ANKRD33B: variants seen among roughly 807,000 people sequenced by gnomAD.
ANKRD33B encodes the protein ankyrin repeat domain 33B.
ANKRD33B carries 6 observed loss-of-function variants against 21.5 expected under a neutral mutation model. That is an observed-to-expected ratio of 0.28 (90% CI 0.15 to 0.55). The LOEUF (loss-of-function observed/expected upper bound fraction) is 0.55, where lower values mean the gene tolerates loss of function less well. Ranked by LOEUF, ANKRD33B falls within the 20% of genes least tolerant of loss-of-function variation. The probability of loss-of-function intolerance (pLI) is 0.94; values close to 1 mark genes in which losing one functional copy is unlikely to be tolerated. For synonymous variants in ANKRD33B, 347 were observed against 342.4 expected, an observed-to-expected ratio of 1.01 and a Z score of -0.15; for missense variants, 698 against 747.2, an observed-to-expected ratio of 0.93 and a Z score of 0.77.
At chr5:10,586,179 A>G (rs1282871030) in intron 1 of ANKRD33B, among the ~76,000 whole-genome samples, 1 of 150,638 alleles carries the variant, frequency 6.6e-6, no homozygotes, top group Non-Finnish European at 1.5e-5. Flanking sequence ...TTGTTCCAGG[A>G]CTCCCCCACC....
chr5:10,609,549 T>A (rs1736120652), intron 1 of ANKRD33B, among the ~76,000 whole-genome samples: 2 of 151,874 alleles, frequency 1.3e-5, no homozygotes, highest in Admixed American at 1.3e-4. Flanking sequence ...CCAAAAAAAA[T>A]TTTCCATTAC....
At chr5:10,634,676 G>A (rs933167672) in intron 2 of ANKRD33B, among the ~76,000 whole-genome samples, 2 of 151,052 alleles carry the variant, frequency 1.3e-5, no homozygotes, top group East Asian at 2.0e-4. Context: ...GGCCGGTCTT[G>A]AACTCCTGGC....
intron 1 of ANKRD33B, among the ~76,000 whole-genome samples, chr5:10,571,610 A>G (rs1735196138): frequency 6.6e-6 from 1 of 152,132 alleles, no homozygotes; most frequent in Admixed American, 6.5e-5. Flanking sequence ...ATTTTTTTAG[A>G]TTGAGGAAAT....
chr5:10,564,487 C>T lies in ANKRD33B; in HGVS notation c.20C>T (p.Thr7Ile). Residue 7 changes from threonine (T) to isoleucine (I), a missense_variant, in exon 1 of 4, where the codon ACC becomes ATC. Thr to Ile is a moderately conservative substitution (Grantham distance 89). Coordinates refer to ENST00000296657, the MANE Select transcript of ANKRD33B (RefSeq NM_001164440.2). ...GCCGGCATGGTGCTGCTGGCCGGGA[C>T]CGGGCCGGAGGGCGGCGGGGCGCGC... is the stretch of plus-strand genomic sequence containing the variant. Reference protein sequence around the residue: MVLLAGTGPEGGGARCM... With the variant: MVLLAGIGPEGGGARCM... 30 of 1,498,710 alleles carry T rather than the reference C, an allele frequency of 2.0e-5. No homozygotes were observed. The highest frequency in any genetic ancestry group is 2.6e-5 in the Non-Finnish European group (29 of 1,124,926). The allele number at this position is 1,498,710 out of a possible 1,614,324, so 92.8% of individuals were successfully genotyped here. A position where few individuals can be genotyped will look rare whatever the true frequency, so the allele number is the denominator to read the frequency against.
At chr5:10,649,122 A>G in intron 3 of ANKRD33B, 144 bp from the exon 4 acceptor site, 1 of 1,397,850 alleles carries the variant, frequency 7.2e-7, no homozygotes, top group Non-Finnish European at 9.3e-7. Context: ...CAGGGTTCGC[A>G]GAGTGAACTA....
At position 10,639,919 on chromosome 5, in the gene ANKRD33B, G is replaced by C. The variant is rs148008424; in HGVS notation, c.637+1751G>C. The stretch of plus-strand genomic sequence containing the variant: ...GCGGCGATGTTAGCGGGTGACGTGG[G>C]GTTGCGCGGCGATGTTAGGCGGTGA... On this transcript the variant is annotated intron_variant, in intron 3 of 3. Coordinates refer to ENST00000296657, the MANE Select transcript of ANKRD33B (RefSeq NM_001164440.2). Among the ~76,000 whole-genome samples, 2 of 18,914 alleles carry C rather than the reference G, an allele frequency of 1.1e-4. 1 individual carries two copies. The highest frequency in any genetic ancestry group is 2.6e-4 in the African/African-American group (2 of 7,690). The allele number at this position is 18,914 out of a possible 152,430, so 12.4% of individuals were successfully genotyped here. A position where few individuals can be genotyped will look rare whatever the true frequency, so the allele number is the denominator to read the frequency against.
rs2126538991 is a variant in ANKRD33B, at chr5:10,564,514, G to A, written c.47G>A (p.Cys16Tyr). ...GGGCCGGAGGGCGGCGGGGCGCGCT[G>A]CATGACCCCACCACCGCCGTCCCCA... ...GTGPEGGGAR[C>Y]MTPPPPSPPR... Residue 16 changes from cysteine to tyrosine, a missense_variant, in exon 1 of 4, where the codon TGC (cysteine) becomes TAC (tyrosine). Transcript: ENST00000296657. The A allele has an allele frequency of 6.5e-7, 1 of 1,529,708 alleles. No individual in the cohort carries two copies. The allele number at this position is 1,529,708 out of a possible 1,614,324, so 94.8% of individuals were successfully genotyped here.
At chr5:10,587,512 A>AT (rs1735591769) in intron 1 of ANKRD33B, among the ~76,000 whole-genome samples, 1 of 151,840 alleles carries the variant, frequency 6.6e-6, no homozygotes, top group Non-Finnish European at 1.5e-5. Context: ...ATTGAATAGT[A>AT]ATATTTATTA....
chr5:10,641,437 C>T (rs1415043189), intron 3 of ANKRD33B, among the ~76,000 whole-genome samples: 1 of 151,882 alleles, frequency 6.6e-6, no homozygotes, highest in Non-Finnish European at 1.5e-5. Flanking sequence ...CCATGTTGGC[C>T]AGGTTGGTCT....
In ANKRD33B at chr5:10,564,397, C is replaced by T; in HGVS notation, c.-71C>T. The T allele has an allele frequency of 3.0e-6, 3 of 985,684 alleles. No homozygotes were observed. The highest frequency in any genetic ancestry group is 2.4e-6 in the Non-Finnish European group (2 of 824,302). The allele number at this position is 985,684 out of a possible 1,614,324, so 61.1% of individuals were successfully genotyped here. ...GGACGCAGAAGCGAGAAGCGGGGAC[C>T]TCGGCGCGCGCCCCGCGTCCCGCTC... On this transcript the variant is annotated 5_prime_UTR_variant, in exon 1 of 4. Coordinates refer to ENST00000296657, the MANE Select transcript of ANKRD33B (RefSeq NM_001164440.2).
intron 1 of ANKRD33B, among the ~76,000 whole-genome samples, chr5:10,583,366 A>C (rs1735485972): frequency 6.6e-6 from 1 of 152,172 alleles, no homozygotes; most frequent in South Asian, 2.1e-4. Context: ...CTATTTTGAA[A>C]ATTCTTAAAA....
At chr5:10,616,412 A>G (rs1736283860) in intron 1 of ANKRD33B, among the ~76,000 whole-genome samples, 1 of 152,040 alleles carries the variant, frequency 6.6e-6, no homozygotes, top group Non-Finnish European at 1.5e-5. Flanking sequence ...TGAAAATACA[A>G]AATTAGCCGG....
chr5:10,598,633 T>A (rs554613581), intron 1 of ANKRD33B, among the ~76,000 whole-genome samples: 1 of 152,268 alleles, frequency 6.6e-6, no homozygotes, highest in Admixed American at 6.5e-5. Context: ...AGAGACAGAG[T>A]CTTACTATGT....
At chr5:10,579,353 GTT>G (rs11344291) in intron 1 of ANKRD33B, among the ~76,000 whole-genome samples, 11 of 142,936 alleles carry the variant, frequency 7.7e-5, no homozygotes, top group Non-Finnish European at 1.1e-4. Flanking sequence ...CTAAGTAATG[GTT>G]TTTTTTTTTT....
intron 3 of ANKRD33B, among the ~76,000 whole-genome samples, chr5:10,648,212 G>T (rs7716089): frequency 0.23 from 34,498 of 152,100 alleles, 4,404 homozygotes; most frequent in Non-Finnish European, 0.3. Context: ...GCCCACCATC[G>T]GTTAAAGGTA....
At chr5:10,641,222 CTTCTT>C (rs1278020399) in intron 3 of ANKRD33B, among the ~76,000 whole-genome samples, 573 of 116,936 alleles carry the variant, frequency 4.9e-3, no homozygotes, top group Non-Finnish European at 7.5e-3. Context: ...TCTTCTTCTT[CTTCTT>C]TTTTTTTTTT....
At chr5:10,577,070 CTTCCCTTTCCCCT>C (rs1735338346) in intron 1 of ANKRD33B, among the ~76,000 whole-genome samples, 1 of 151,828 alleles carries the variant, frequency 6.6e-6, no homozygotes, top group Non-Finnish European at 1.5e-5. Flanking sequence ...TTTCTTTTCC[CTTCCCTTTCCCCT>C]TTCCCTTTCC....
intron 1 of ANKRD33B, among the ~76,000 whole-genome samples, chr5:10,601,112 C>G (rs1325058228): frequency 1.3e-5 from 2 of 152,038 alleles, no homozygotes; most frequent in Admixed American, 6.5e-5. Flanking sequence ...GAGTTGCCAA[C>G]TCAGTTTAAA....
At chr5:10,617,331 C>T (rs1736306057) in intron 1 of ANKRD33B, among the ~76,000 whole-genome samples, 1 of 152,214 alleles carries the variant, frequency 6.6e-6, no homozygotes, top group Non-Finnish European at 1.5e-5. Flanking sequence ...AGTCTGCGTG[C>T]CATCTGTCCC....
Sources: gnomAD v4.1 joint callset for allele counts (sites outside exome capture counted in the v4.1 genomes callset) on GRCh38, gnomAD v4.1.1 for gene constraint, MANE v1.5 for transcripts, NCBI Gene and HGNC (gene_info 2026-07-23, HGNC 2026-07-21) for gene names.